MAN2A1: variants seen among roughly 807,000 people sequenced by gnomAD.
MAN2A1 encodes alpha-mannosidase 2.
A neutral mutation model predicts 142.6 loss-of-function variants in MAN2A1; 76 were observed. That is an observed-to-expected ratio of 0.53 (90% CI 0.44 to 0.65). The LOEUF (loss-of-function observed/expected upper bound fraction) is 0.65. Ranked by LOEUF, MAN2A1 falls within the 30% of genes least tolerant of loss-of-function variation. MAN2A1 has a pLI of 0.00. For synonymous variants in MAN2A1, 559 were observed against 473.2 expected, an observed-to-expected ratio of 1.18 and a Z score of -2.35; for missense variants, 1,311 against 1,365.1, an observed-to-expected ratio of 0.96 and a Z score of 0.62.
intron 4 of MAN2A1, among the ~76,000 whole-genome samples, chr5:109,734,690 T>C (rs968208866): frequency 6.6e-6 from 1 of 152,156 alleles, no homozygotes; most frequent in African/African-American, 2.4e-5. Flanking sequence ...TTTGAGTGAG[T>C]TTCTTAATCC....
At chr5:109,708,383 G>T (rs984879644) in intron 1 of MAN2A1, among the ~76,000 whole-genome samples, 6 of 152,056 alleles carry the variant, frequency 3.9e-5, no homozygotes, top group Non-Finnish European at 7.4e-5. Context: ...GAGTTTGTAA[G>T]GAAGGGGGAT....
At chr5:109,833,850 C>A (rs2112746397) in intron 16 of MAN2A1, among the ~76,000 whole-genome samples, 1 of 152,256 alleles carries the variant, frequency 6.6e-6, no homozygotes, top group African/African-American at 2.4e-5. Context: ...TGCCTGACAA[C>A]CTGATTAGGT....
intron 12 of MAN2A1, among the ~76,000 whole-genome samples, chr5:109,790,119 C>T (rs1753698929): frequency 1.3e-5 from 2 of 151,792 alleles, no homozygotes; most frequent in South Asian, 4.2e-4. Context: ...CTTTAAACAG[C>T]AAGGTATCTG....
At position 109,847,728 on chromosome 5, in the gene MAN2A1, G is replaced by A; in HGVS notation, c.2914G>A (p.Asp972Asn). The change falls in exon 19 of 22, where the codon GAT becomes AAT. Residue 972 changes from aspartate to asparagine, a missense_variant. Coordinates refer to ENST00000261483, the MANE Select transcript of MAN2A1 (RefSeq NM_002372.4). ...TCGTGGCCTTGAGCAAGGTATCCAG[G>A]ATAACAAGATTACAGCTAATCTATT... The part of the protein sequence containing the change: ...DNRGLEQGIQ[D>N]NKITANLFRI... 6.2e-7 allele frequency: 1 copy of A among 1,601,718 alleles called. No homozygotes were observed. The highest frequency in any genetic ancestry group is 1.1e-5 in the South Asian group (1 of 88,808).
At position 109,690,284 on chromosome 5, in the gene MAN2A1, C is replaced by T; in HGVS notation, c.-134C>T. On this transcript the variant is annotated 5_prime_UTR_variant, in exon 1 of 22. Transcript: ENST00000261483. ...CTAGGTGCGGAGCAAGGCGGGGACT[C>T]GCACCCGCATCCGAGAGCGCGGAGG... 1 of 883,566 alleles carries T rather than the reference C, an allele frequency of 1.1e-6. No homozygotes were observed. Among genetic ancestry groups the T allele is most frequent in the South Asian group, 1.5e-5 (1 of 66,250 alleles). 54.7% of individuals were successfully genotyped at this position (883,566 alleles called of 1,614,324 possible).
chr5:109,832,645 A>C (rs900301280), intron 16 of MAN2A1, among the ~76,000 whole-genome samples: 4 of 152,136 alleles, frequency 2.6e-5, no homozygotes, highest in African/African-American at 9.7e-5. Flanking sequence ...CACTCGACAA[A>C]ACCGCCATCG....
chr5:109,757,814 G>T (rs1752728985), intron 5 of MAN2A1, among the ~76,000 whole-genome samples: 1 of 152,108 alleles, frequency 6.6e-6, no homozygotes. Context: ...GGCCTTTGGT[G>T]ATTGGATTCT....
At position 109,804,346 on chromosome 5, in the gene MAN2A1, T is replaced by C. The variant is rs557118138; in HGVS notation, c.1944-12927T>C. Reference sequence around the variant, plus strand: ...CATCCTTATTCAGAGAGTAGCGCTTTTTTTAAAATTTTTATTTTTTTTAGG... The same window carrying C: ...CATCCTTATTCAGAGAGTAGCGCTTCTTTTAAAATTTTTATTTTTTTTAGG... On this transcript the variant is annotated intron_variant, in intron 12 of 21. Transcript: ENST00000261483. 3.3e-6 allele frequency: 3 copies of C among 901,084 alleles called. No homozygotes were observed. The African/African-American group carries it at 5.4e-5, about 16-fold the overall frequency. The allele number at this position is 901,084 out of a possible 1,614,324, so 55.8% of individuals were successfully genotyped here.
intron 3 of MAN2A1, among the ~76,000 whole-genome samples, chr5:109,727,439 A>T (rs890914055): frequency 1.3e-5 from 2 of 152,060 alleles, no homozygotes; most frequent in African/African-American, 4.8e-5. Context: ...TTTTACCTTA[A>T]TTACCTCTTT....
At chr5:109,803,475 T>C (rs912204272) in intron 12 of MAN2A1, among the ~76,000 whole-genome samples, 3 of 152,080 alleles carry the variant, frequency 2.0e-5, no homozygotes, top group Non-Finnish European at 4.4e-5. Flanking sequence ...ATTAAACTTA[T>C]TTTGCTTGTT....
At position 109,820,215 on chromosome 5, in the gene MAN2A1, T is replaced by C. The variant is rs372218829; in HGVS notation, c.2329-5T>C. ...TTGCTTATTATTATTTTTTTTAATCTTTAGCAAATGATGACTAAAGAAGAT... is the reference window on the plus strand; with the variant it reads ...TTGCTTATTATTATTTTTTTTAATCCTTAGCAAATGATGACTAAAGAAGAT... On this transcript the variant is annotated splice_polypyrimidine_tract_variant and splice_region_variant and intron_variant, in intron 14 of 21. Coordinates refer to ENST00000261483, the MANE Select transcript of MAN2A1 (RefSeq NM_002372.4). 1 of 1,600,148 alleles carries C rather than the reference T, an allele frequency of 6.2e-7. No homozygotes were observed. The highest frequency in any genetic ancestry group is 1.3e-5 in the African/African-American group (1 of 74,366).
chr5:109,828,408 C>T (rs1754816659), intron 16 of MAN2A1, among the ~76,000 whole-genome samples: 1 of 152,136 alleles, frequency 6.6e-6, no homozygotes, highest in Admixed American at 6.5e-5. Context: ...GCTCCTGTAT[C>T]CTCTTGTGTT....
At chr5:109,738,771 A>C (rs1010741929) in intron 4 of MAN2A1, among the ~76,000 whole-genome samples, 2 of 152,024 alleles carry the variant, frequency 1.3e-5, no homozygotes, top group Admixed American at 1.3e-4. Flanking sequence ...TTTATTTGAG[A>C]CTTTGAGTAT....
Position 109,867,510 on chromosome 5 carries a change from A to G in MAN2A1, c.*512A>G, listed in dbSNP as rs1349065694. On this transcript the variant is annotated 3_prime_UTR_variant, in exon 22 of 22. Coordinates refer to ENST00000261483, the MANE Select transcript of MAN2A1 (RefSeq NM_002372.4). ...TGAAATAAGTGGAAAAGTGCAATCC[A>G]TCCACCCTTATGATTAACGTAGATG... 1.3e-5 allele frequency: 2 copies of G among 152,670 alleles called. No homozygotes were observed. Among genetic ancestry groups the G allele is most frequent in the Non-Finnish European group, 2.9e-5 (2 of 68,068 alleles). The allele number at this position is 152,670 out of a possible 1,614,324, so 9.5% of individuals were successfully genotyped here. A position where few individuals can be genotyped will look rare whatever the true frequency, so the allele number is the denominator to read the frequency against.
intron 5 of MAN2A1, among the ~76,000 whole-genome samples, chr5:109,764,635 C>T (rs1234168367): frequency 2.0e-5 from 3 of 152,154 alleles, no homozygotes; most frequent in Non-Finnish European, 4.4e-5. Flanking sequence ...TATTTAGTCT[C>T]AGGGACTCTT....
intron 4 of MAN2A1, among the ~76,000 whole-genome samples, chr5:109,735,963 A>G (rs986030821): frequency 3.0e-5 from 4 of 135,278 alleles, no homozygotes; most frequent in Non-Finnish European, 6.1e-5. Flanking sequence ...TATATTTTCT[A>G]CCAGTACTGG....
At chr5:109,803,261 C>G (rs2112700248) in intron 12 of MAN2A1, among the ~76,000 whole-genome samples, 1 of 152,006 alleles carries the variant, frequency 6.6e-6, no homozygotes, top group African/African-American at 2.4e-5. Flanking sequence ...ATTTTTATTT[C>G]TTGAAAAATA....
At chr5:109,691,061 T>C (rs1750657660) in intron 1 of MAN2A1, among the ~76,000 whole-genome samples, 1 of 152,204 alleles carries the variant, frequency 6.6e-6, no homozygotes, top group Admixed American at 6.5e-5. Flanking sequence ...GAGAAGTTTA[T>C]TTCGTGTTGC....
chr5:109,692,259 G>C (rs554232875), intron 1 of MAN2A1, among the ~76,000 whole-genome samples: 78 of 152,256 alleles, frequency 5.1e-4, no homozygotes, highest in African/African-American at 1.9e-3. Context: ...CTGAAGTTCT[G>C]CTTTAAGCGT....
Sources: allele counts gnomAD v4.1 joint callset (sites outside exome capture counted in the v4.1 genomes callset), GRCh38; gene constraint gnomAD v4.1.1; transcripts MANE v1.5; gene names NCBI Gene and HGNC (gene_info 2026-07-23, HGNC 2026-07-21).